The following PTPRG variants were observed in gnomAD, a reference collection of about 807,000 sequenced individuals.
PTPRG encodes the protein receptor-type tyrosine-protein phosphatase gamma.
A neutral mutation model predicts 165.3 loss-of-function variants in PTPRG; 102 were observed. That is an observed-to-expected ratio of 0.62 (90% confidence interval 0.53 to 0.73). PTPRG has a LOEUF of 0.73. Ranked by LOEUF, PTPRG falls within the 30% of genes least tolerant of loss-of-function variation. The pLI is 0.00. For missense variants in PTPRG, 1,866 were observed against 1,861.4 expected (o/e 1.00, Z -0.05); for synonymous variants, 675 against 669.5 (o/e 1.01, Z -0.13).
At chr3:61,718,246 C>T (rs1214661486) in intron 1 of PTPRG, among the ~76,000 whole-genome samples, 1 of 148,526 alleles carries the variant, frequency 6.7e-6, no homozygotes, top group Non-Finnish European at 1.5e-5. Context: ...CTCAGAGAAC[C>T]AAGACAGATT....
At chr3:61,800,746 T>C (rs1318210349) in intron 2 of PTPRG, among the ~76,000 whole-genome samples, 4 of 151,254 alleles carry the variant, frequency 2.6e-5, no homozygotes, top group Non-Finnish European at 5.9e-5. Context: ...TGGGTTCAAG[T>C]GATTCTCCTG....
chr3:62,140,851 C>CAAA (rs58630476), intron 6 of PTPRG, among the ~76,000 whole-genome samples: 104 of 70,994 alleles, frequency 1.5e-3, no homozygotes, highest in African/African-American at 3.0e-3. Flanking sequence ...GACTCGGTCT[C>CAAA]AAAAAAAAAA....
chr3:62,279,454 A>C (rs2148885275), intron 26 of PTPRG, among the ~76,000 whole-genome samples: 1 of 152,142 alleles, frequency 6.6e-6, no homozygotes, highest in African/African-American at 2.4e-5. Flanking sequence ...TATTTCTTTA[A>C]AGTAAGTAGT....
intron 2 of PTPRG, among the ~76,000 whole-genome samples, chr3:61,845,914 T>A (rs370509808): frequency 6.6e-6 from 1 of 152,160 alleles, no homozygotes; most frequent in East Asian, 1.9e-4. Context: ...AAATACCTGA[T>A]AGGTGCTTGG....
intron 2 of PTPRG, among the ~76,000 whole-genome samples, chr3:61,961,169 C>T (rs1482770531): frequency 6.6e-6 from 1 of 152,096 alleles, no homozygotes; most frequent in Admixed American, 6.6e-5. Context: ...ACTGATGTTA[C>T]CTGGAAGGAG....
intron 1 of PTPRG, among the ~76,000 whole-genome samples, chr3:61,591,122 C>T (rs9311823): frequency 0.12 from 17,574 of 152,250 alleles, 1,175 homozygotes; most frequent in African/African-American, 0.18. Flanking sequence ...TAGGCATTCT[C>T]CTGCTGATGG....
At chr3:62,026,879 T>TAAAAAAAAAAAAAAAAAAAAAAAA (rs200417191) in intron 4 of PTPRG, among the ~76,000 whole-genome samples, 8 of 94,672 alleles carry the variant, frequency 8.5e-5, no homozygotes, top group East Asian at 6.0e-4. Context: ...GAGTGAGAAT[T>TAAAAAAAAAAAAAAAAAAAAAAAA]AAAAAAAAAA....
intron 2 of PTPRG, among the ~76,000 whole-genome samples, chr3:61,948,051 G>A (rs1050513060): frequency 3.3e-5 from 5 of 152,098 alleles, no homozygotes; most frequent in African/African-American, 4.8e-5. Context: ...AAGGCCAGGC[G>A]CAGTGGCTCA....
Position 62,262,703 on chromosome 3 carries a change from G to C in PTPRG, c.2560-95G>C, listed in dbSNP as rs995316575. 6.9e-6 allele frequency: 5 copies of C among 724,518 alleles called. No individual in the cohort carries two copies. The African/African-American group carries it at 9.2e-5, about 13-fold the overall frequency. 44.9% of individuals were successfully genotyped at this position (724,518 alleles called of 1,614,324 possible). ...GGATTGAGAAGGTAACGGTGGCTGT[G>C]GCCAGGGAGTGAGTAAATACTTTAT... On this transcript the variant is annotated intron_variant, in intron 16 of 29. Transcript: ENST00000474889.
At chr3:62,178,763 G>T (rs1705534072) in intron 8 of PTPRG, among the ~76,000 whole-genome samples, 1 of 152,192 alleles carries the variant, frequency 6.6e-6, no homozygotes, top group Non-Finnish European at 1.5e-5. Flanking sequence ...TCTCTAGGCA[G>T]GTAGACAGAG....
At chr3:61,800,624 G>A (rs1380050019) in intron 2 of PTPRG, among the ~76,000 whole-genome samples, 1 of 151,016 alleles carries the variant, frequency 6.6e-6, no homozygotes, top group Non-Finnish European at 1.5e-5. Context: ...AAAGAAGGGT[G>A]TTCCGTGGTG....
chr3:61,744,964 TACAC>T (rs755705528), intron 1 of PTPRG, among the ~76,000 whole-genome samples: 15 of 151,994 alleles, frequency 9.9e-5, no homozygotes, highest in East Asian at 1.9e-4. Flanking sequence ...CATGCATAGA[TACAC>T]ACACATTTTC....
chr3:61,898,693 TGGCAAA>T (rs1163569468), intron 2 of PTPRG, among the ~76,000 whole-genome samples: 3 of 152,302 alleles, frequency 2.0e-5, no homozygotes, highest in Admixed American at 6.5e-5. Context: ...ATAAAGCATG[TGGCAAA>T]GGTCTTTAAA....
chr3:62,159,487 T>A (rs986995373), intron 7 of PTPRG, among the ~76,000 whole-genome samples: 2 of 152,142 alleles, frequency 1.3e-5, no homozygotes, highest in African/African-American at 4.8e-5. Context: ...AGCTCCAGAT[T>A]TGAAACAAAA....
chr3:62,090,031 A>G (rs1204310696), intron 5 of PTPRG, among the ~76,000 whole-genome samples: 1 of 152,216 alleles, frequency 6.6e-6, no homozygotes, highest in African/African-American at 2.4e-5. Flanking sequence ...CCCTTTGGTT[A>G]TAACAGAGGA....
chr3:61,843,047 C>G (rs1231339708), intron 2 of PTPRG, among the ~76,000 whole-genome samples: 2 of 152,156 alleles, frequency 1.3e-5, no homozygotes, highest in African/African-American at 4.8e-5. Flanking sequence ...GTTGCTCTAG[C>G]CTGATTTATA....
Position 62,269,178 on chromosome 3 carries a change from G to A in PTPRG, c.3009+9G>A, listed in dbSNP as rs780587051. The stretch of plus-strand genomic sequence containing the variant: ...ATACAAAAGTGAAAAAGGTATGGAA[G>A]GAATTGGGTAGGCTGCCAGGGCATC... On this transcript the variant is annotated intron_variant, in intron 20 of 29. Coordinates refer to ENST00000474889, the MANE Select transcript of PTPRG (RefSeq NM_002841.4). 1.6e-5 allele frequency: 25 copies of A among 1,569,458 alleles called. No homozygotes were observed. Among genetic ancestry groups the A allele is most frequent in the East Asian group, 2.3e-5 (1 of 43,834 alleles).
chr3:61,959,282 A>G (rs2040098728), intron 2 of PTPRG, among the ~76,000 whole-genome samples: 1 of 152,174 alleles, frequency 6.6e-6, no homozygotes, highest in African/African-American at 2.4e-5. Flanking sequence ...AGGACATCTA[A>G]GAGAGGCTCA....
chr3:61,618,845 A>G (rs1701372466), intron 1 of PTPRG, among the ~76,000 whole-genome samples: 1 of 152,034 alleles, frequency 6.6e-6, no homozygotes, highest in African/African-American at 2.4e-5. Flanking sequence ...TTTAGTGATC[A>G]TAATTAGTAC....
Sources: gnomAD v4.1 joint callset for allele counts (sites outside exome capture counted in the v4.1 genomes callset) on GRCh38, gnomAD v4.1.1 for gene constraint, MANE v1.5 for transcripts, NCBI Gene and HGNC (gene_info 2026-07-23, HGNC 2026-07-21) for gene names.